The following ARHGAP44 variants were observed in gnomAD, a reference collection of about 807,000 sequenced individuals.
ARHGAP44 encodes rho GTPase-activating protein 44.
Under a neutral mutation model 106.8 loss-of-function variants are expected in ARHGAP44, and 43 were observed. That is an observed-to-expected ratio of 0.40 (90% CI 0.32 to 0.52). The LOEUF (loss-of-function observed/expected upper bound fraction) is 0.52. Ranked by LOEUF, ARHGAP44 falls within the 20% of genes least tolerant of loss-of-function variation. The probability of loss-of-function intolerance (pLI) is 0.48; values close to 1 mark genes in which losing one functional copy is unlikely to be tolerated. For missense variants in ARHGAP44, 866 were observed against 1,050.5 expected (o/e 0.82, Z 2.43); for synonymous variants, 439 against 410.3 (o/e 1.07, Z -0.85).
chr17:12,918,532 C>T (rs2037983101), intron 5 of ARHGAP44, among the ~76,000 whole-genome samples: 2 of 152,146 alleles, frequency 1.3e-5, no homozygotes, highest in Admixed American at 1.3e-4. Flanking sequence ...AGAGCATCTA[C>T]ATACAACCAA....
chr17:12,886,060 C>T (rs1485398236), intron 1 of ARHGAP44, among the ~76,000 whole-genome samples: 9 of 151,990 alleles, frequency 5.9e-5, no homozygotes, highest in Admixed American at 3.9e-4. Context: ...CATAGTTTTG[C>T]CTATTTATGT....
At chr17:12,926,413 A>T (rs1311938402) in intron 6 of ARHGAP44, among the ~76,000 whole-genome samples, 2 of 143,290 alleles carry the variant, frequency 1.4e-5, no homozygotes, top group African/African-American at 5.0e-5. Flanking sequence ...GTATATATAT[A>T]ATATATATGT....
At chr17:12,852,554 T>G (rs1242691258) in intron 1 of ARHGAP44, among the ~76,000 whole-genome samples, 1 of 151,538 alleles carries the variant, frequency 6.6e-6, no homozygotes, top group Non-Finnish European at 1.5e-5. Flanking sequence ...CTGTGTTTTT[T>G]TTTTTTTGAT....
chr17:12,973,714 G>C, intron 17 of ARHGAP44: 1 of 478,988 alleles, frequency 2.1e-6, no homozygotes, highest in South Asian at 2.9e-5. Context: ...TGCCCCCCCA[G>C]TTAGGCCACA....
chr17:12,883,167 TTGTC>T, intron 1 of ARHGAP44, among the ~76,000 whole-genome samples: 1 of 129,922 alleles, frequency 7.7e-6, no homozygotes, highest in South Asian at 2.6e-4. Flanking sequence ...AATGGCCATT[TTGTC>T]TAAGTTTTTT....
chr17:12,988,065 C>G (rs544662183), intron 20 of ARHGAP44: 1 of 152,166 alleles, frequency 6.6e-6, no homozygotes. Flanking sequence ...CTGGCGGGTG[C>G]TTCCCGAGTG....
chr17:12,874,241 T>C (rs1377175153), intron 1 of ARHGAP44, among the ~76,000 whole-genome samples: 1 of 152,258 alleles, frequency 6.6e-6, no homozygotes, highest in Non-Finnish European at 1.5e-5. Flanking sequence ...CAGAGGACTT[T>C]GCAGCATACT....
At chr17:12,956,229 T>C (rs1038501180) in intron 14 of ARHGAP44, among the ~76,000 whole-genome samples, 7 of 152,000 alleles carry the variant, frequency 4.6e-5, no homozygotes, top group Non-Finnish European at 1.0e-4. Flanking sequence ...TAAGTCAGCA[T>C]TGGGATGAGG....
At chr17:12,904,956 C>T (rs1056543715) in intron 3 of ARHGAP44, among the ~76,000 whole-genome samples, 1 of 152,146 alleles carries the variant, frequency 6.6e-6, no homozygotes, top group African/African-American at 2.4e-5. Flanking sequence ...GGCTGAAGTG[C>T]AGTGGCACAA....
chr17:12,835,351 A>G (rs1312662189), intron 1 of ARHGAP44, among the ~76,000 whole-genome samples: 1 of 152,208 alleles, frequency 6.6e-6, no homozygotes, highest in African/African-American at 2.4e-5. Flanking sequence ...AGTCATGTTC[A>G]AACAAGATGA....
At position 12,879,399 on chromosome 17, in the gene ARHGAP44, C is replaced by A. The variant is rs561373816; in HGVS notation, c.54-15541C>A. Among the ~76,000 whole-genome samples the A allele has an allele frequency of 3.9e-5, 6 of 151,988 alleles. No individual in the cohort carries two copies. The South Asian group carries it at 1.2e-3, about 32-fold the overall frequency. ...GGGCATTTGGTCTGGTTCCATATTT[C>A]GCAGTTGCAAATTGTGCTGCTATAA... On this transcript the variant is annotated intron_variant, in intron 1 of 20. Transcript: ENST00000379672.
At position 12,991,616 on chromosome 17, in the gene ARHGAP44, G is replaced by GTTA; in HGVS notation, c.*1449_*1451dup. ...TGTACAAATCGTTGTCAAAAGTAAC[G>GTTA]TTATTAAAATAGATTTATTATCCCT... On this transcript the variant is annotated 3_prime_UTR_variant, in exon 21 of 21. Transcript: ENST00000379672. 1 of 183,804 alleles carries GTTA rather than the reference G, an allele frequency of 5.4e-6. No individual in the cohort carries two copies. The highest frequency in any genetic ancestry group is 2.4e-5 in the African/African-American group (1 of 42,488). 11.4% of individuals were successfully genotyped at this position (183,804 alleles called of 1,614,324 possible). A position where few individuals can be genotyped will look rare whatever the true frequency, so the allele number is the denominator to read the frequency against.
At chr17:12,819,064 CAT>C (rs1567630212) in intron 1 of ARHGAP44, among the ~76,000 whole-genome samples, 1 of 152,028 alleles carries the variant, frequency 6.6e-6, no homozygotes, top group Non-Finnish European at 1.5e-5. Flanking sequence ...TTGATAAAGA[CAT>C]GTACATTTAG....
At chr17:12,951,853 A>G (rs993272657) in intron 12 of ARHGAP44, among the ~76,000 whole-genome samples, 2 of 152,136 alleles carry the variant, frequency 1.3e-5, no homozygotes, top group Non-Finnish European at 2.9e-5. Flanking sequence ...ACTTCGATTG[A>G]ATTGGGCTGG....
chr17:12,806,086 G>A (rs191305366), intron 1 of ARHGAP44, among the ~76,000 whole-genome samples: 74 of 152,266 alleles, frequency 4.9e-4, no homozygotes, highest in African/African-American at 1.4e-3. Flanking sequence ...GAAATCTGGC[G>A]TACACTATAT....
chr17:12,974,866 T>TTTC (rs1555566110), intron 18 of ARHGAP44, among the ~76,000 whole-genome samples: 1 of 151,332 alleles, frequency 6.6e-6, no homozygotes, highest in African/African-American at 2.4e-5. Flanking sequence ...TTTTTTTTTT[T>TTTC]CGAGATGGAG....
intron 4 of ARHGAP44, among the ~76,000 whole-genome samples, chr17:12,913,813 T>G (rs12601695): frequency 6.6e-6 from 1 of 151,104 alleles, no homozygotes; most frequent in East Asian, 2.0e-4. Flanking sequence ...ACTAAAAATA[T>G]AAAAAATTAG....
intron 1 of ARHGAP44, among the ~76,000 whole-genome samples, chr17:12,861,075 C>T (rs992878372): frequency 6.6e-6 from 1 of 151,936 alleles, no homozygotes; most frequent in Non-Finnish European, 1.5e-5. Context: ...AGGCTGGTCT[C>T]GAACTCCTGG....
chr17:12,864,571 A>G (rs1012271046), intron 1 of ARHGAP44, among the ~76,000 whole-genome samples: 1 of 152,172 alleles, frequency 6.6e-6, no homozygotes, highest in African/African-American at 2.4e-5. Flanking sequence ...CTCAACACAA[A>G]TATCTAACCT....
Sources: gnomAD v4.1 joint callset for allele counts (sites outside exome capture counted in the v4.1 genomes callset) on GRCh38, gnomAD v4.1.1 for gene constraint, MANE v1.5 for transcripts, NCBI Gene and HGNC (gene_info 2026-07-23, HGNC 2026-07-21) for gene names.